The following RNF216 variants were observed in gnomAD, a reference collection of about 807,000 sequenced individuals.
The protein encoded by RNF216 is ring finger protein 216, also known as E3 ubiquitin-protein ligase RNF216.
RNF216 carries 72 observed loss-of-function variants against 110.8 expected under a neutral mutation model. The observed-to-expected ratio is 0.65, with a 90% CI of 0.54 to 0.79. The LOEUF (loss-of-function observed/expected upper bound fraction) is 0.79, where lower values mean the gene tolerates loss of function less well. Among genes scored for constraint, RNF216 ranks in the 30% least tolerant of loss-of-function variants. The pLI is 0.00. For missense variants in RNF216, 1,342 were observed against 1,141.2 expected (o/e 1.18, Z -2.54); for synonymous variants, 495 against 407.5 (o/e 1.21, Z -2.59).
chr7:5,713,628 C>G (rs188980835), intron 11 of RNF216, among the ~76,000 whole-genome samples: 1 of 152,334 alleles, frequency 6.6e-6, no homozygotes, highest in East Asian at 1.9e-4. Context: ...GTCAAACTCA[C>G]TGGTCTATAA....
chr7:5,753,823 C>T (rs577156237), intron 2 of RNF216, among the ~76,000 whole-genome samples: 11 of 152,066 alleles, frequency 7.2e-5, no homozygotes, highest in African/African-American at 2.4e-4. Flanking sequence ...GGTGAAACAC[C>T]GTCTCTACTA....
intron 13 of RNF216, among the ~76,000 whole-genome samples, chr7:5,689,318 G>A (rs1400386551): frequency 1.4e-5 from 2 of 147,720 alleles, no homozygotes; most frequent in Non-Finnish European, 3.0e-5. Context: ...TTGTAACCAT[G>A]ACTCACTCCA....
intron 4 of RNF216, among the ~76,000 whole-genome samples, chr7:5,740,038 C>A (rs1288215737): frequency 6.7e-6 from 1 of 148,308 alleles, no homozygotes; most frequent in Non-Finnish European, 1.5e-5. Context: ...ACAAAAAAAA[C>A]CCGCCTGGGT....
At position 5,742,731 on chromosome 7, in the gene RNF216, G is replaced by A. The variant is rs577258444; in HGVS notation, c.202-916C>T. Among the ~76,000 whole-genome samples, 8 of 151,506 alleles carry A rather than the reference G, an allele frequency of 5.3e-5. No homozygotes were observed. The East Asian group carries it at 1.6e-3, about 30-fold the overall frequency. ...CTGCCACAGCCTCCCGAGTAGCTGG[G>A]ATTATAGGCGCACACCTCTACATCC... is the stretch of plus-strand genomic sequence containing the variant. On this transcript the variant is annotated intron_variant, in intron 3 of 16. Transcript: ENST00000389902.
chr7:5,778,126 C>T (rs6974774), intron 1 of RNF216, among the ~76,000 whole-genome samples: 2,264 of 152,248 alleles, frequency 0.015, 49 homozygotes, highest in African/African-American at 0.051. Flanking sequence ...ATGGTGAAAC[C>T]GAAATCCTTA....
Position 5,696,859 on chromosome 7 carries a change from G to A in RNF216, c.2061+14902C>T, listed in dbSNP as rs1036231571. On this transcript the variant is annotated intron_variant, in intron 13 of 16. Transcript: ENST00000389902. The surrounding 1 kb of genome is among the most constrained non-coding windows in gnomAD (Gnocchi z 5.4). ...TTGCCATAGTGACTACATTGGCAAGGTGTTCCAATTCCCTTGATATTCTAT... is the reference window on the plus strand; with the variant it reads ...TTGCCATAGTGACTACATTGGCAAGATGTTCCAATTCCCTTGATATTCTAT... 6.6e-6 allele frequency among the ~76,000 whole-genome samples: 1 copy of A among 152,134 alleles called. No individual in the cohort carries two copies. The highest frequency in any genetic ancestry group is 2.1e-4 in the South Asian group (1 of 4,828).
At chr7:5,625,390 T>G (rs1346629009) in intron 15 of RNF216, among the ~76,000 whole-genome samples, 1 of 152,208 alleles carries the variant, frequency 6.6e-6, no homozygotes, top group African/African-American at 2.4e-5. Flanking sequence ...AGCCTAAATA[T>G]CTGGCCAATT....
At chr7:5,676,810 C>A (rs1361326487) in intron 13 of RNF216, among the ~76,000 whole-genome samples, 1 of 152,242 alleles carries the variant, frequency 6.6e-6, no homozygotes, top group Admixed American at 6.5e-5. Context: ...GACTCAGGTT[C>A]CAAGCACTTC....
chr7:5,734,044 T>C (rs566724319), intron 5 of RNF216, among the ~76,000 whole-genome samples: 96 of 152,250 alleles, frequency 6.3e-4, no homozygotes, highest in African/African-American at 2.3e-3. Context: ...AGAAAGTATT[T>C]TAAAAGCTTA....
chr7:5,752,765 C>T (rs1795398639), intron 3 of RNF216, 81 bp downstream of exon 3: 1 of 1,464,024 alleles, frequency 6.8e-7, no homozygotes, highest in Non-Finnish European at 9.4e-7. Context: ...TGCTGTTCTA[C>T]AACAAGGCCC....
At chr7:5,721,965 C>A (rs1793454295) in intron 8 of RNF216, among the ~76,000 whole-genome samples, 1 of 152,236 alleles carries the variant, frequency 6.6e-6, no homozygotes, top group Non-Finnish European at 1.5e-5. Context: ...CTCTGCTGCT[C>A]ACGCTGGAGT....
rs531034880 is a variant in RNF216 at position 5,765,906 on chromosome 7, T to C, written c.-69-4768A>G. Reference sequence around the variant, plus strand: ...AGGCAGAGGTTGCAGTGAGCCCAGATTGCACCACTGCAGTCCAGCCTGAGC... The same window carrying C: ...AGGCAGAGGTTGCAGTGAGCCCAGACTGCACCACTGCAGTCCAGCCTGAGC... On this transcript the variant is annotated intron_variant, in intron 1 of 16. Transcript: ENST00000389902. Among the ~76,000 whole-genome samples, 5 of 146,782 alleles carry C rather than the reference T, an allele frequency of 3.4e-5. No individual in the cohort carries two copies. In the South Asian group the frequency reaches 6.5e-4, roughly 19 times the overall value.
chr7:5,724,627 A>C (rs1793638804), intron 8 of RNF216, among the ~76,000 whole-genome samples: 1 of 152,226 alleles, frequency 6.6e-6, no homozygotes, highest in African/African-American at 2.4e-5. Context: ...TTAGAGCCTG[A>C]AAAGTTCATA....
chr7:5,710,015 A>T (rs1164281970), intron 13 of RNF216, among the ~76,000 whole-genome samples: 2 of 152,130 alleles, frequency 1.3e-5, no homozygotes, highest in East Asian at 1.9e-4. Flanking sequence ...CAGCCTCTCA[A>T]AGTGCTGGGA....
intron 14 of RNF216, among the ~76,000 whole-genome samples, chr7:5,646,871 G>A (rs1001295039): frequency 2.6e-5 from 4 of 152,052 alleles, no homozygotes; most frequent in Non-Finnish European, 5.9e-5. Context: ...CAGGTCATCT[G>A]TAACTTTCTT....
Position 5,721,144 on chromosome 7 carries a change from G to C in RNF216, c.1533C>G (p.Phe511Leu), listed in dbSNP as rs746411828. 2 of 1,613,862 alleles carry C rather than the reference G, an allele frequency of 1.2e-6. No individual in the cohort carries two copies. The highest frequency in any genetic ancestry group is 2.2e-5 in the South Asian group (2 of 91,086). The change falls in exon 9 of 17, where the codon TTC (phenylalanine) becomes TTG (leucine). Residue 511 changes from phenylalanine (F) to leucine (L), a missense_variant. By Grantham distance (22) the Phe-to-Leu change is conservative. Transcript: ENST00000389902. ...QGDIKIEKRM[F>L]FLENKRRHCR... is the part of the protein sequence containing the mutation. The stretch of plus-strand genomic sequence containing the variant: ...AATGTCGTCGCTTATTTTCAAGAAA[G>C]AACATCCTCTTTTCTATTTTTATGT...
chr7:5,658,065 G>A (rs1356510266), intron 13 of RNF216, among the ~76,000 whole-genome samples: 1 of 152,226 alleles, frequency 6.6e-6, no homozygotes, highest in East Asian at 1.9e-4. Flanking sequence ...CGGCAGGGGA[G>A]CATGCATGTG....
At chr7:5,776,661 G>A (rs1296650010) in intron 1 of RNF216, among the ~76,000 whole-genome samples, 1 of 148,236 alleles carries the variant, frequency 6.7e-6, no homozygotes, top group Non-Finnish European at 1.5e-5. Flanking sequence ...CACAGGAATA[G>A]CCATATCAAG....
At chr7:5,673,448 A>G (rs1385167488) in intron 13 of RNF216, among the ~76,000 whole-genome samples, 1 of 152,206 alleles carries the variant, frequency 6.6e-6, no homozygotes, top group Non-Finnish European at 1.5e-5. Flanking sequence ...GGCCAGACTA[A>G]CAAGAGTGAC....
Sources: gnomAD v4.1 joint callset for allele counts (sites outside exome capture counted in the v4.1 genomes callset) on GRCh38, gnomAD v4.1.1 for gene constraint, Gnocchi (gnomAD v3.1) non-coding constraint, MANE v1.5 for transcripts, NCBI Gene and HGNC (gene_info 2026-07-23, HGNC 2026-07-21) for gene names.